Variants in ZMYND8 observed in about 807,000 individuals in gnomAD.
ZMYND8 encodes zinc finger MYND-type containing 8, also known as MYND-type zinc finger-containing chromatin reader ZMYND8.
Under a neutral mutation model 140.8 loss-of-function variants are expected in ZMYND8, and 37 were observed. The observed-to-expected ratio is 0.26, with a 90% CI of 0.20 to 0.35. The LOEUF is 0.35. Among genes scored for constraint, ZMYND8 ranks in the 10% least tolerant of loss-of-function variants. The pLI, the probability that ZMYND8 is intolerant of heterozygous loss-of-function variation, is 1.00. For synonymous variants in ZMYND8, 592 were observed against 597.1 expected (o/e 0.99, Z 0.12); for missense variants, 1,068 against 1,570.0 (o/e 0.68, Z 5.40).
chr20:47,325,026 T>C (rs1057244424), intron 2 of ZMYND8, among the ~76,000 whole-genome samples: 6 of 152,142 alleles, frequency 3.9e-5, no homozygotes, highest in Non-Finnish European at 7.3e-5. Flanking sequence ...TGCCTCAGCC[T>C]CTCGAGTAGC....
At chr20:47,306,909 G>A (rs73910835) in intron 3 of ZMYND8, among the ~76,000 whole-genome samples, 17,905 of 152,186 alleles carry the variant, frequency 0.12, 1,431 homozygotes, top group African/African-American at 0.23. Flanking sequence ...CTGAGTATGA[G>A]ACAACAGGGA....
chr20:47,328,999 G>A (rs1265236822), intron 2 of ZMYND8, among the ~76,000 whole-genome samples: 1 of 152,048 alleles, frequency 6.6e-6, no homozygotes, highest in Non-Finnish European at 1.5e-5. Context: ...GGTGCCAAGG[G>A]GCCTGGCAAA....
intron 22 of ZMYND8, among the ~76,000 whole-genome samples, chr20:47,211,263 A>C (rs546829688): frequency 6.6e-6 from 1 of 152,316 alleles, no homozygotes; most frequent in South Asian, 2.1e-4. Flanking sequence ...TTCTGGGTCC[A>C]ACCTTGGCCC....
intron 2 of ZMYND8, among the ~76,000 whole-genome samples, chr20:47,317,404 C>A (rs555700982): frequency 2.0e-5 from 3 of 151,690 alleles, no homozygotes; most frequent in Non-Finnish European, 4.4e-5. Flanking sequence ...CCCTCCACCC[C>A]ACTCCTGCCC....
At chr20:47,244,918 G>A (rs1380457367) in intron 14 of ZMYND8, among the ~76,000 whole-genome samples, 3 of 152,100 alleles carry the variant, frequency 2.0e-5, no homozygotes, top group African/African-American at 7.2e-5. Context: ...TTAGCCAGGC[G>A]TGGTGGCAGG....
At chr20:47,323,739 C>T (rs1424737463) in intron 2 of ZMYND8, among the ~76,000 whole-genome samples, 11 of 152,128 alleles carry the variant, frequency 7.2e-5, no homozygotes, top group Non-Finnish European at 1.6e-4. Flanking sequence ...CACCCCACCT[C>T]CACTGACCTT....
chr20:47,347,788 A>G, intron 2 of ZMYND8, 68 bp downstream of exon 2: 9 of 1,545,578 alleles, frequency 5.8e-6, no homozygotes, highest in South Asian at 2.2e-5. Context: ...TCACTGCACT[A>G]CAACAACAAA....
intron 11 of ZMYND8, among the ~76,000 whole-genome samples, chr20:47,269,257 A>C (rs1170425396): frequency 1.3e-5 from 2 of 152,198 alleles, no homozygotes; most frequent in African/African-American, 4.8e-5. Flanking sequence ...TCACAAAAAA[A>C]TCCAAGTCAA....
chr20:47,228,947 A>G (rs1388030400), intron 17 of ZMYND8, among the ~76,000 whole-genome samples: 1 of 152,164 alleles, frequency 6.6e-6, no homozygotes, highest in Non-Finnish European at 1.5e-5. Context: ...GGGGAAGTTC[A>G]GGGAGGTGTA....
intron 11 of ZMYND8, among the ~76,000 whole-genome samples, chr20:47,266,341 G>A (rs1219802306): frequency 2.0e-5 from 3 of 152,122 alleles, no homozygotes; most frequent in Non-Finnish European, 2.9e-5. Context: ...GTGCAATGGT[G>A]CAATCTCAGC....
At chr20:47,245,349 C>A (rs1294688451) in intron 14 of ZMYND8, among the ~76,000 whole-genome samples, 1 of 152,088 alleles carries the variant, frequency 6.6e-6, no homozygotes. Flanking sequence ...TGGGTTCAAG[C>A]GATTATCCTG....
chr20:47,342,259 G>T (rs1291899835), intron 2 of ZMYND8, among the ~76,000 whole-genome samples: 1 of 151,788 alleles, frequency 6.6e-6, no homozygotes, highest in South Asian at 2.1e-4. Context: ...AAGAAACCAG[G>T]ATCCTCTGGG....
intron 17 of ZMYND8, 37 bp from the exon 18 acceptor site, chr20:47,227,318 T>C: frequency 6.2e-7 from 1 of 1,605,882 alleles, no homozygotes; most frequent in Admixed American, 1.7e-5. Context: ...AAAAGCTGTC[T>C]CATGCAGTTC....
rs757522420 is a variant in ZMYND8 at position 47,318,916 on chromosome 20, G to A, written c.86-8712C>T. 4.5e-6 allele frequency: 6 copies of A among 1,336,468 alleles called. No individual in the cohort carries two copies. The South Asian group carries it at 4.6e-5, about 10-fold the overall frequency. 82.8% of individuals were successfully genotyped at this position (1,336,468 alleles called of 1,614,324 possible). A position where few individuals can be genotyped will look rare whatever the true frequency, so the allele number is the denominator to read the frequency against. On this transcript the variant is annotated intron_variant, in intron 2 of 22. Coordinates refer to ENST00000471951, the MANE Select transcript of ZMYND8 (RefSeq NM_001281775.3). Reference sequence around the variant, plus strand: ...ATCAAGTACCTCGGAGGCAGAACATGCGAGGGGCAGGGAACGCCAAGAGGA... The same window carrying A: ...ATCAAGTACCTCGGAGGCAGAACATACGAGGGGCAGGGAACGCCAAGAGGA...
intron 12 of ZMYND8, among the ~76,000 whole-genome samples, chr20:47,260,163 G>A (rs921691644): frequency 6.6e-6 from 1 of 151,924 alleles, no homozygotes; most frequent in Non-Finnish European, 1.5e-5. Flanking sequence ...CCCTCCATTA[G>A]GTGCCAGGAG....
Position 47,210,601 on chromosome 20 carries a change from T to G in ZMYND8, c.*160A>C. On this transcript the variant is annotated 3_prime_UTR_variant, in exon 23 of 23. Transcript: ENST00000471951. ...CAGTCAAAGCCGATGCTGGGTGTCC[T>G]GTAGTGTAGCAGCCCCCGCGCCGGG... 9.3e-7 allele frequency: 1 copy of G among 1,071,058 alleles called. No individual in the cohort carries two copies. Among genetic ancestry groups the G allele is most frequent in the Non-Finnish European group, 1.4e-6 (1 of 712,210 alleles). The allele number at this position is 1,071,058 out of a possible 1,614,324, so 66.3% of individuals were successfully genotyped here.
intron 1 of ZMYND8, among the ~76,000 whole-genome samples, chr20:47,351,364 G>A (rs535292925): frequency 6.6e-6 from 1 of 152,122 alleles, no homozygotes; most frequent in South Asian, 2.1e-4. Flanking sequence ...TTTTCCCCAA[G>A]TGCCCCTACT....
At chr20:47,224,176 A>G in intron 19 of ZMYND8, 141 bp downstream of exon 19, 10 of 1,389,856 alleles carry the variant, frequency 7.2e-6, no homozygotes, top group Non-Finnish European at 9.7e-6. Context: ...TGTGTGTAAG[A>G]CACAATTGTT....
At chr20:47,251,439 T>C (rs1252605712) in intron 12 of ZMYND8, among the ~76,000 whole-genome samples, 3 of 151,654 alleles carry the variant, frequency 2.0e-5, no homozygotes, top group Non-Finnish European at 4.4e-5. Context: ...ATACAAAAAG[T>C]AGCTGGGCTT....
Sources: gnomAD v4.1 joint callset for allele counts (sites outside exome capture counted in the v4.1 genomes callset) on GRCh38, gnomAD v4.1.1 for gene constraint, MANE v1.5 for transcripts, NCBI Gene and HGNC (gene_info 2026-07-23, HGNC 2026-07-21) for gene names.